The following ENOX1 variants were observed in gnomAD, a reference collection of about 807,000 sequenced individuals.
The protein encoded by ENOX1 is ecto-NOX disulfide-thiol exchanger 1.
ENOX1 carries 42 observed loss-of-function variants against 82.5 expected under a neutral mutation model. That is an observed-to-expected ratio of 0.51 (90% CI 0.40 to 0.66). ENOX1 has a LOEUF of 0.66. Among genes scored for constraint, ENOX1 ranks in the 30% least tolerant of loss-of-function variants. The probability of loss-of-function intolerance (pLI) is 0.00; values close to 1 mark genes in which losing one functional copy is unlikely to be tolerated. For synonymous variants in ENOX1, 271 were observed against 282.2 expected (o/e 0.96, Z 0.40); for missense variants, 608 against 811.6 (o/e 0.75, Z 3.05).
intron 15 of ENOX1, among the ~76,000 whole-genome samples, chr13:43,229,234 C>A (rs1437996669): frequency 6.6e-6 from 1 of 152,222 alleles, no homozygotes; most frequent in Admixed American, 6.5e-5. Flanking sequence ...GTCCATTAAA[C>A]CTCTTTTTCT....
At chr13:43,349,723 A>G (rs1474492022) in intron 8 of ENOX1, among the ~76,000 whole-genome samples, 2 of 152,244 alleles carry the variant, frequency 1.3e-5, no homozygotes, top group African/African-American at 4.8e-5. Context: ...AACACTGAAG[A>G]AAGGACTCAG....
chr13:43,710,881 T>C (rs1358414808), intron 1 of ENOX1, among the ~76,000 whole-genome samples: 1 of 151,666 alleles, frequency 6.6e-6, no homozygotes, highest in Non-Finnish European at 1.5e-5. Flanking sequence ...CTTTTTTTTT[T>C]GGTTTGGCTA....
intron 12 of ENOX1, among the ~76,000 whole-genome samples, chr13:43,297,804 A>G (rs2046358614): frequency 6.6e-6 from 1 of 151,078 alleles, no homozygotes; most frequent in Admixed American, 6.6e-5. Flanking sequence ...CTGTTTCTAA[A>G]GTTATTTATC....
At chr13:43,680,492 C>T (rs1477370649) in intron 1 of ENOX1, among the ~76,000 whole-genome samples, 2 of 152,088 alleles carry the variant, frequency 1.3e-5, no homozygotes, top group African/African-American at 4.8e-5. Flanking sequence ...ATCATCTCTG[C>T]CTTGGAGAAG....
intron 2 of ENOX1, among the ~76,000 whole-genome samples, chr13:43,519,666 C>T (rs2077687107): frequency 1.3e-5 from 2 of 152,084 alleles, no homozygotes; most frequent in South Asian, 2.1e-4. Flanking sequence ...AGACCCCAGA[C>T]CCCAGGAGTA....
intron 1 of ENOX1, among the ~76,000 whole-genome samples, chr13:43,770,708 C>CACACACAA (rs1283610865): frequency 2.0e-4 from 31 of 151,876 alleles, no homozygotes; most frequent in Non-Finnish European, 4.0e-4. Flanking sequence ...CACACACACA[C>CACACACAA]ACACACACAC....
chr13:43,384,478 A>G (rs1198974676), intron 5 of ENOX1, among the ~76,000 whole-genome samples: 1 of 152,132 alleles, frequency 6.6e-6, no homozygotes, highest in African/African-American at 2.4e-5. Flanking sequence ...CATTCCCATA[A>G]CCCCATGAAT....
intron 1 of ENOX1, among the ~76,000 whole-genome samples, chr13:43,677,605 C>T (rs954375388): frequency 6.6e-6 from 1 of 152,172 alleles, no homozygotes; most frequent in Non-Finnish European, 1.5e-5. Flanking sequence ...ACACTTGATA[C>T]CTTGAGGTGC....
intron 7 of ENOX1, among the ~76,000 whole-genome samples, chr13:43,358,772 CAA>C (rs1023702454): frequency 8.5e-5 from 13 of 152,182 alleles, no homozygotes; most frequent in Non-Finnish European, 1.5e-4. Flanking sequence ...CCCAGTGCCA[CAA>C]ACTCACCAGA....
chr13:43,718,184 T>C (rs1474899677), intron 1 of ENOX1, among the ~76,000 whole-genome samples: 1 of 150,114 alleles, frequency 6.7e-6, no homozygotes, highest in African/African-American at 2.4e-5. Context: ...ATATGCACTA[T>C]GGAATACACT....
chr13:43,296,501 TG>T (rs1317542328), intron 12 of ENOX1, among the ~76,000 whole-genome samples: 3 of 152,216 alleles, frequency 2.0e-5, no homozygotes, highest in Non-Finnish European at 4.4e-5. Context: ...CCCTAGATCT[TG>T]GACTTGTAGC....
intron 2 of ENOX1, among the ~76,000 whole-genome samples, chr13:43,529,725 C>G (rs1245108402): frequency 6.6e-6 from 1 of 152,058 alleles, no homozygotes; most frequent in Non-Finnish European, 1.5e-5. Flanking sequence ...AGTCTCAGAA[C>G]ACATCCCCTT....
At chr13:43,553,768 A>G (rs1383176508) in intron 2 of ENOX1, among the ~76,000 whole-genome samples, 1 of 152,136 alleles carries the variant, frequency 6.6e-6, no homozygotes, top group Admixed American at 6.5e-5. Context: ...CTCTTTAAAG[A>G]GGGAGTTTCA....
chr13:43,393,002 G>T (rs2052891192), intron 5 of ENOX1, among the ~76,000 whole-genome samples: 1 of 152,088 alleles, frequency 6.6e-6, no homozygotes, highest in Admixed American at 6.6e-5. Context: ...TTATAAGTCA[G>T]TATAAAAAAG....
At chr13:43,348,025 C>T (rs767467445) in intron 8 of ENOX1, among the ~76,000 whole-genome samples, 3 of 152,174 alleles carry the variant, frequency 2.0e-5, no homozygotes, top group Non-Finnish European at 4.4e-5. Flanking sequence ...TCCATCCGTC[C>T]GTCCCCGCTT....
intron 3 of ENOX1, among the ~76,000 whole-genome samples, chr13:43,477,707 C>CT (rs910863556): frequency 1.3e-5 from 2 of 151,906 alleles, no homozygotes; most frequent in East Asian, 1.9e-4. Context: ...TTGAGTTACT[C>CT]TTTTTTTTCT....
chr13:43,428,877 T>G (rs2055487838), intron 3 of ENOX1, among the ~76,000 whole-genome samples: 1 of 152,208 alleles, frequency 6.6e-6, no homozygotes, highest in Non-Finnish European at 1.5e-5. Flanking sequence ...TTCCAAGGGA[T>G]AGCTGACATT....
chr13:43,358,621 A>G (rs1431086916), intron 7 of ENOX1, among the ~76,000 whole-genome samples: 4 of 152,148 alleles, frequency 2.6e-5, no homozygotes, highest in African/African-American at 7.2e-5. Flanking sequence ...CATTTCCTGA[A>G]TGGTTTCTAT....
chr13:43,415,947 C>T (rs72476632), intron 3 of ENOX1, among the ~76,000 whole-genome samples: 63 of 121,292 alleles, frequency 5.2e-4, no homozygotes, highest in South Asian at 1.5e-3. Context: ...ATGGGGTGGC[C>T]GGACAGAAGC....
Sources: gnomAD v4.1 joint callset for allele counts (sites outside exome capture counted in the v4.1 genomes callset) on GRCh38, gnomAD v4.1.1 for gene constraint, MANE v1.5 for transcripts, NCBI Gene and HGNC (gene_info 2026-07-23, HGNC 2026-07-21) for gene names.